Variants in TMEM120B observed in about 807,000 individuals in gnomAD.
TMEM120B encodes the protein transmembrane protein 120B.
TMEM120B carries 31 observed loss-of-function variants against 55.5 expected under a neutral mutation model. The observed-to-expected ratio is 0.56, with a 90% CI of 0.42 to 0.75. The LOEUF (loss-of-function observed/expected upper bound fraction) is 0.75, where lower values mean the gene tolerates loss of function less well. Ranked by LOEUF, TMEM120B falls within the 30% of genes least tolerant of loss-of-function variation. TMEM120B has a pLI of 0.00. For missense variants in TMEM120B, 399 were observed against 425.5 expected (o/e 0.94, Z 0.55); for synonymous variants, 203 against 176.3 (o/e 1.15, Z -1.20).
chr12:121,746,190 CT>C lies in TMEM120B; in HGVS notation c.189-2122del, dbSNP rs71079090. 3.6e-3 allele frequency among the ~76,000 whole-genome samples: 435 copies of C among 121,468 alleles called. 4 individuals carry two copies. The highest frequency in any genetic ancestry group is 9.3e-3 in the Middle Eastern group (2 of 216). 79.7% of individuals were successfully genotyped at this position (121,468 alleles called of 152,430 possible). On this transcript the variant is annotated intron_variant, in intron 2 of 11. Coordinates refer to ENST00000449592, the MANE Select transcript of TMEM120B (RefSeq NM_001080825.2). ...GTTGTTTTCTTAAACCGCCCCCCCA[CT>C]TTTTTTTTTTTTTGAGACAGAGTTT...
chr12:121,763,732 C>T lies in TMEM120B; in HGVS notation c.551+1994C>T, dbSNP rs187654148. ...TGTTGGGATTACAGGTGTGAGCCAC[C>T]GCGCCCTGCCAACGTGCCATTCCGG... On this transcript the variant is annotated intron_variant, in intron 6 of 11. Transcript: ENST00000449592. Among the ~76,000 whole-genome samples, 8 of 152,236 alleles carry T rather than the reference C, an allele frequency of 5.3e-5. No homozygotes were observed. The South Asian group carries it at 6.2e-4, about 12-fold the overall frequency.
chr12:121,725,180 T>C (rs1476708092), intron 1 of TMEM120B, among the ~76,000 whole-genome samples: 1 of 152,168 alleles, frequency 6.6e-6, no homozygotes, highest in Non-Finnish European at 1.5e-5. Flanking sequence ...AGTAGGCAGC[T>C]GGGGAGCTGG....
intron 1 of TMEM120B, among the ~76,000 whole-genome samples, chr12:121,742,191 CAG>C (rs200123053): frequency 0.025 from 3,760 of 152,098 alleles, 77 homozygotes; most frequent in Non-Finnish European, 0.037. Context: ...TTAGTAGAGA[CAG>C]GGTTTCACTA....
rs565735639 is a variant in TMEM120B, at chr12:121,769,028, C to T, written c.552-1879C>T. Among the ~76,000 whole-genome samples the T allele has an allele frequency of 4.6e-5, 7 of 151,946 alleles. No individual in the cohort carries two copies. The South Asian group carries it at 8.3e-4, about 18-fold the overall frequency. ...AGGTGTGGTGGCAGGCGCCTGTAGTCGCAGCTACTCGGGAGACTGAGGCAG... is the reference window on the plus strand; with the variant it reads ...AGGTGTGGTGGCAGGCGCCTGTAGTTGCAGCTACTCGGGAGACTGAGGCAG... On this transcript the variant is annotated intron_variant, in intron 6 of 11. Transcript: ENST00000449592.
intron 1 of TMEM120B, among the ~76,000 whole-genome samples, chr12:121,732,059 C>G (rs531496506): frequency 6.6e-6 from 1 of 152,288 alleles, no homozygotes; most frequent in African/African-American, 2.4e-5. Context: ...ATCTCTTGAA[C>G]CCAAAAGGCA....
chr12:121,719,045 G>C (rs541219241), intron 1 of TMEM120B, among the ~76,000 whole-genome samples: 19 of 152,168 alleles, frequency 1.2e-4, no homozygotes, highest in African/African-American at 4.6e-4. Context: ...TTCAGCAAGC[G>C]TCCCAGGGCT....
chr12:121,748,534 T>A, intron 3 of TMEM120B, 92 bp downstream of exon 3: 1 of 842,224 alleles, frequency 1.2e-6, no homozygotes, highest in East Asian at 2.7e-5. Context: ...CTGCTGGTGC[T>A]CAGATTGAAG....
At chr12:121,719,370 A>T (rs1290812380) in intron 1 of TMEM120B, among the ~76,000 whole-genome samples, 1 of 152,146 alleles carries the variant, frequency 6.6e-6, no homozygotes, top group East Asian at 1.9e-4. Flanking sequence ...AGATCGCTTG[A>T]GCCCAGGAGT....
chr12:121,743,600 C>T (rs746892784), intron 1 of TMEM120B, 29 bp from the exon 2 acceptor site: 26 of 1,559,782 alleles, frequency 1.7e-5, no homozygotes, highest in East Asian at 2.2e-5. Flanking sequence ...TTCTCCCACA[C>T]ACCCTCCCCC....
Position 121,773,530 on chromosome 12 carries a change from G to T in TMEM120B, c.772+17G>T. ...TCACAGTGGGTGAGTAGCTGGGCCT[G>T]GGTTGGAGCCGGGGCAGGTACTGGA... is the stretch of plus-strand genomic sequence containing the variant. On this transcript the variant is annotated intron_variant, in intron 9 of 11. Transcript: ENST00000449592. The T allele has an allele frequency of 1.3e-6, 2 of 1,568,750 alleles. No individual in the cohort carries two copies. The highest frequency in any genetic ancestry group is 1.7e-6 in the Non-Finnish European group (2 of 1,155,356).
At chr12:121,722,610 A>G (rs1237944386) in intron 1 of TMEM120B, among the ~76,000 whole-genome samples, 2 of 152,180 alleles carry the variant, frequency 1.3e-5, no homozygotes, top group Non-Finnish European at 2.9e-5. Context: ...GCAGAGGGGT[A>G]TGTACAATGT....
intron 6 of TMEM120B, among the ~76,000 whole-genome samples, chr12:121,770,394 C>T (rs1873999955): frequency 1.3e-5 from 2 of 152,150 alleles, no homozygotes. Context: ...TCTTCAAATA[C>T]AGTCACGGAC....
intron 8 of TMEM120B, 67 bp from the exon 9 acceptor site, chr12:121,773,354 A>G: frequency 9.0e-6 from 13 of 1,442,026 alleles, no homozygotes; most frequent in Non-Finnish European, 1.2e-5. Flanking sequence ...TGCTTGGGGC[A>G]GAGAGGTGTG....
At chr12:121,733,540 G>A (rs1259410158) in intron 1 of TMEM120B, among the ~76,000 whole-genome samples, 1 of 141,998 alleles carries the variant, frequency 7.0e-6, no homozygotes, top group Non-Finnish European at 1.5e-5. Context: ...CACCGTGCCT[G>A]GTATTTTTTT....
chr12:121,772,582 G>A (rs1874102821), intron 8 of TMEM120B, among the ~76,000 whole-genome samples: 1 of 151,844 alleles, frequency 6.6e-6, no homozygotes, highest in Non-Finnish European at 1.5e-5. Context: ...CTGCCACCAT[G>A]CCTGGTTACT....
At chr12:121,717,247 C>T (rs951094198) in intron 1 of TMEM120B, among the ~76,000 whole-genome samples, 1 of 152,138 alleles carries the variant, frequency 6.6e-6, no homozygotes, top group Non-Finnish European at 1.5e-5. Context: ...AACCTGATCT[C>T]GTTCCTCCCA....
chr12:121,759,130 T>TTA (rs1415791829), intron 5 of TMEM120B: 1 of 878,740 alleles, frequency 1.1e-6, no homozygotes, highest in Non-Finnish European at 1.4e-6. Flanking sequence ...CTGTTTTTTT[T>TTA]TTTTTTCTGA....
chr12:121,776,120 G>A lies in TMEM120B; in HGVS notation c.*398G>A. 1 of 460,126 alleles carries A rather than the reference G, an allele frequency of 2.2e-6. No individual in the cohort carries two copies. The highest frequency in any genetic ancestry group is 2.0e-5 in the African/African-American group (1 of 49,740). The allele number at this position is 460,126 out of a possible 1,614,324, so 28.5% of individuals were successfully genotyped here. A position where few individuals can be genotyped will look rare whatever the true frequency, so the allele number is the denominator to read the frequency against. Reference sequence around the variant, plus strand: ...ATTTATGCTGACCTGCTACTTACCAGGCCCAGGCTGGGGTGGTGTGAACCC... The same window carrying A: ...ATTTATGCTGACCTGCTACTTACCAAGCCCAGGCTGGGGTGGTGTGAACCC... On this transcript the variant is annotated 3_prime_UTR_variant, in exon 12 of 12. Coordinates refer to ENST00000449592, the MANE Select transcript of TMEM120B (RefSeq NM_001080825.2).
Position 121,777,480 on chromosome 12 carries a change from T to C in TMEM120B, c.*1758T>C, listed in dbSNP as rs368979025. On this transcript the variant is annotated 3_prime_UTR_variant, in exon 12 of 12. Coordinates refer to ENST00000449592, the MANE Select transcript of TMEM120B (RefSeq NM_001080825.2). ...GAGATTCCACATAAAAATCCAGATT[T>C]CTGCTTTCCCTAGAAAAACGGACCT... 1 of 152,182 alleles carries C rather than the reference T, an allele frequency of 6.6e-6. No homozygotes were observed. The highest frequency in any genetic ancestry group is 1.5e-5 in the Non-Finnish European group (1 of 68,036). The allele number at this position is 152,182 out of a possible 1,614,324, so 9.4% of individuals were successfully genotyped here.
Sources: gnomAD v4.1 joint callset for allele counts (sites outside exome capture counted in the v4.1 genomes callset) on GRCh38, gnomAD v4.1.1 for gene constraint, MANE v1.5 for transcripts, NCBI Gene and HGNC (gene_info 2026-07-23, HGNC 2026-07-21) for gene names.